The following SMAP2 variants were observed in gnomAD, a reference collection of about 807,000 sequenced individuals.
The protein encoded by SMAP2 is stromal membrane-associated protein 2.
A neutral mutation model predicts 56.4 loss-of-function variants in SMAP2; 25 were observed. That is an observed-to-expected ratio of 0.44 (90% CI 0.32 to 0.62). SMAP2 has a LOEUF of 0.62. Ranked by LOEUF, SMAP2 falls within the 20% of genes least tolerant of loss-of-function variation. SMAP2 has a pLI of 0.04. For synonymous variants in SMAP2, 157 were observed against 181.7 expected, an observed-to-expected ratio of 0.86 and a Z score of 1.09; for missense variants, 388 against 545.6, an observed-to-expected ratio of 0.71 and a Z score of 2.88.
intron 1 of SMAP2, among the ~76,000 whole-genome samples, chr1:40,398,059 C>T (rs149188263): frequency 9.2e-5 from 14 of 152,182 alleles, no homozygotes; most frequent in African/African-American, 1.2e-4. Flanking sequence ...TTTGTTTTTA[C>T]GATATCTGTA....
At chr1:40,414,283 G>A in intron 6 of SMAP2, 43 bp downstream of exon 6, 2 of 1,581,178 alleles carry the variant, frequency 1.3e-6, no homozygotes, top group Non-Finnish European at 1.7e-6. Flanking sequence ...TACAAATTTT[G>A]ATAAATTCTC....
In SMAP2 at chr1:40,347,044, A is replaced by ATTTATTTATTTG. The variant is rs1445994789; in HGVS notation, c.-83+2145_-83+2146insGTTTATTTATTT. ...AATCTATTTATTTATTTATTTATTT[A>ATTTATTTATTTG]TTTATTTATTTATTTTTGAGACACG... is the stretch of plus-strand genomic sequence containing the variant. On this transcript the variant is annotated intron_variant, in intron 1 of 6. Coordinates refer to the SMAP2 transcript ENST00000435168. Among the ~76,000 whole-genome samples, 889 of 149,726 alleles carry ATTTATTTATTTG rather than the reference A, an allele frequency of 5.9e-3. 6 individuals are homozygous for ATTTATTTATTTG. Among genetic ancestry groups the ATTTATTTATTTG allele is most frequent in the African/African-American group, 0.021 (842 of 40,652 alleles).
In SMAP2 at chr1:40,380,529, C is replaced by CTTTTT. The variant is rs370625950; in HGVS notation, c.103+6313_103+6317dup. On this transcript the variant is annotated intron_variant, in intron 1 of 9. Coordinates refer to ENST00000372718, the MANE Select transcript of SMAP2 (RefSeq NM_022733.3). ...AATTATTTTAGCTGTATCTGTGGCA[C>CTTTTT]TTTTTTTTTTTCTCTTTTGAGATGG... Among the ~76,000 whole-genome samples the CTTTTT allele has an allele frequency of 1.7e-3, 241 of 142,896 alleles. 6 individuals are homozygous for CTTTTT. Among genetic ancestry groups the CTTTTT allele is most frequent in the African/African-American group, 5.3e-3 (200 of 37,964 alleles). The allele number at this position is 142,896 out of a possible 152,430, so 93.7% of individuals were successfully genotyped here. A position where few individuals can be genotyped will look rare whatever the true frequency, so the allele number is the denominator to read the frequency against.
chr1:40,359,206 A>G lies in SMAP2; in HGVS notation c.-82-3094A>G, dbSNP rs528661456. Among the ~76,000 whole-genome samples the G allele has an allele frequency of 3.9e-5, 6 of 152,240 alleles. No individual in the cohort carries two copies. In the East Asian group the frequency reaches 1.2e-3, roughly 29 times the overall value. On this transcript the variant is annotated intron_variant, in intron 1 of 6. Transcript: ENST00000435168. The stretch of plus-strand genomic sequence containing the variant: ...CAACCTCTGTCTCCCAGGTTCCAGC[A>G]ATTCTCCTGCCTCAGCCTCCCAAGT...
chr1:40,380,748 T>TC (rs2124226968), intron 1 of SMAP2, among the ~76,000 whole-genome samples: 1 of 152,230 alleles, frequency 6.6e-6, no homozygotes, highest in South Asian at 2.1e-4. Flanking sequence ...CAGGCTGGTC[T>TC]CGAACTCCTG....
intron 1 of SMAP2, among the ~76,000 whole-genome samples, chr1:40,358,820 G>T (rs1302235861): frequency 6.6e-6 from 1 of 152,178 alleles, no homozygotes; most frequent in African/African-American, 2.4e-5. Flanking sequence ...AAAGTAGGGT[G>T]TTGAAGTTTC....
intron 1 of SMAP2, among the ~76,000 whole-genome samples, chr1:40,382,074 T>G (rs1644604695): frequency 6.6e-6 from 1 of 152,188 alleles, no homozygotes; most frequent in Non-Finnish European, 1.5e-5. Flanking sequence ...TCTCAGTATA[T>G]ATACTTTTCA....
At chr1:40,409,109 A>G (rs1030337959) in intron 3 of SMAP2, among the ~76,000 whole-genome samples, 2 of 152,204 alleles carry the variant, frequency 1.3e-5, no homozygotes, top group African/African-American at 4.8e-5. Flanking sequence ...ATTCATTTTT[A>G]TCATCTTTTT....
rs1368932177 is a variant in SMAP2, at chr1:40,393,830, G to A, written c.104-12906G>A. 3.3e-5 allele frequency among the ~76,000 whole-genome samples: 5 copies of A among 152,048 alleles called. No homozygotes were observed. The South Asian group carries it at 8.3e-4, about 25-fold the overall frequency. On this transcript the variant is annotated intron_variant, in intron 1 of 9. Transcript: ENST00000372718. ...CAAAGTGCTGGGATTAAGGCGTGAGGCACCGCGCCCGGCCACTTCTAACCT... is the reference window on the plus strand; with the variant it reads ...CAAAGTGCTGGGATTAAGGCGTGAGACACCGCGCCCGGCCACTTCTAACCT...
intron 4 of SMAP2, 143 bp downstream of exon 4, chr1:40,409,978 C>CA: frequency 1.6e-6 from 1 of 617,924 alleles, no homozygotes; most frequent in South Asian, 1.9e-5. Context: ...TGTGGTGGCT[C>CA]ATCCCCTAAT....
At chr1:40,403,282 C>A (rs387887) in intron 1 of SMAP2, among the ~76,000 whole-genome samples, 1 of 152,118 alleles carries the variant, frequency 6.6e-6, no homozygotes, top group East Asian at 1.9e-4. Context: ...AAGGCGGGTA[C>A]ATCACCAGAG....
chr1:40,345,750 C>G (rs1644382727), intron 1 of SMAP2, among the ~76,000 whole-genome samples: 1 of 150,804 alleles, frequency 6.6e-6, no homozygotes, highest in Non-Finnish European at 1.5e-5. Context: ...TAGAATACAT[C>G]TATTGTGTAT....
At chr1:40,406,892 A>G (rs774907662) in intron 2 of SMAP2, 23 bp downstream of exon 2, 1 of 1,598,838 alleles carries the variant, frequency 6.3e-7, no homozygotes, top group South Asian at 1.1e-5. Flanking sequence ...AGAGTGAGTC[A>G]GCTGCTTCCA....
upstream of SMAP2, among the ~76,000 whole-genome samples, chr1:40,371,390 G>A (rs1427760338): frequency 2.0e-5 from 3 of 152,128 alleles, no homozygotes; most frequent in Non-Finnish European, 4.4e-5. Flanking sequence ...ATAATAAAAA[G>A]AGCTAATACT....
intron 1 of SMAP2, among the ~76,000 whole-genome samples, chr1:40,359,427 T>G (rs1334717070): frequency 1.3e-5 from 2 of 152,200 alleles, no homozygotes; most frequent in East Asian, 3.8e-4. Context: ...GTAAGTTTCT[T>G]GTATGCAACA....
chr1:40,360,966 T>C (rs929256243), intron 1 of SMAP2, among the ~76,000 whole-genome samples: 1 of 152,212 alleles, frequency 6.6e-6, no homozygotes, highest in African/African-American at 2.4e-5. Flanking sequence ...TATGCTGGGC[T>C]TGAAGCCAGT....
In SMAP2 at chr1:40,417,084, G is replaced by A; in HGVS notation, c.1152G>A (p.Trp384Ter). The A allele has an allele frequency of 1.9e-6, 3 of 1,600,980 alleles. No homozygotes were observed. The highest frequency in any genetic ancestry group is 2.6e-6 in the Non-Finnish European group (3 of 1,169,198). ...YGVQPAQQLQ[W>*]NLTQMTQQMA... ...TCCAGCCAGCTCAGCAGCTGCAATG[G>A]AACCTTACTCAGGTAAGCTACCCCA... The change falls in exon 9 of 10, where the codon TGG becomes TGA. Residue 384 changes from tryptophan to a stop codon, truncating the protein, a stop_gained. Coordinates refer to ENST00000372718, the MANE Select transcript of SMAP2 (RefSeq NM_022733.3). LOFTEE classifies it high-confidence loss of function.
chr1:40,418,248 C>T (rs886298079), intron 9 of SMAP2, among the ~76,000 whole-genome samples: 8 of 151,936 alleles, frequency 5.3e-5, no homozygotes, highest in South Asian at 4.1e-4. Context: ...CCAAAATTTT[C>T]GTATAAAGAC....
chr1:40,346,160 C>T (rs1388689954), intron 1 of SMAP2, among the ~76,000 whole-genome samples: 1 of 150,680 alleles, frequency 6.6e-6, no homozygotes, highest in Non-Finnish European at 1.5e-5. Context: ...GCTGATATGC[C>T]CACCAGAATC....
Sources: allele counts gnomAD v4.1 joint callset (sites outside exome capture counted in the v4.1 genomes callset), GRCh38; gene constraint gnomAD v4.1.1; transcripts MANE v1.5; gene names NCBI Gene and HGNC (gene_info 2026-07-23, HGNC 2026-07-21).